The following FRS2 variants were observed in gnomAD, a reference collection of about 807,000 sequenced individuals.
FRS2 encodes the protein fibroblast growth factor receptor substrate 2.
FRS2 carries 8 observed loss-of-function variants against 43.9 expected under a neutral mutation model. That is an observed-to-expected ratio of 0.18 (90% confidence interval 0.11 to 0.33). FRS2 has a LOEUF of 0.33. Among genes scored for constraint, FRS2 ranks in the 10% least tolerant of loss-of-function variants. The probability of loss-of-function intolerance (pLI) is 1.00; values close to 1 mark genes in which losing one functional copy is unlikely to be tolerated. For missense variants in FRS2, 534 were observed against 627.6 expected (o/e 0.85, Z 1.59); for synonymous variants, 219 against 220.3 (o/e 0.99, Z 0.05).
At chr12:69,527,388 C>T (rs945762839) in intron 1 of FRS2, among the ~76,000 whole-genome samples, 5 of 114,866 alleles carry the variant, frequency 4.4e-5, no homozygotes, top group Non-Finnish European at 6.6e-5. Flanking sequence ...CTAGGTACAT[C>T]GTCCAAGCTG....
intron 3 of FRS2, among the ~76,000 whole-genome samples, chr12:69,539,248 G>C (rs1877641379): frequency 6.6e-6 from 1 of 152,002 alleles, no homozygotes; most frequent in Non-Finnish European, 1.5e-5. Flanking sequence ...CAAATTTTTT[G>C]TATTTTTAGT....
At chr12:69,553,363 G>A (rs934762021) in intron 3 of FRS2, among the ~76,000 whole-genome samples, 1 of 152,152 alleles carries the variant, frequency 6.6e-6, no homozygotes, top group African/African-American at 2.4e-5. Context: ...GAGCCACTGC[G>A]CCTGGCCCAC....
chr12:69,527,014 C>T (rs1876309956), intron 1 of FRS2, among the ~76,000 whole-genome samples: 1 of 152,174 alleles, frequency 6.6e-6, no homozygotes, highest in Admixed American at 6.5e-5. Context: ...TGAGCCACCG[C>T]GTCCAGCCAG....
At chr12:69,571,487 G>A (rs1272018278) in intron 7 of FRS2, 53 bp downstream of exon 7, 23 of 1,356,540 alleles carry the variant, frequency 1.7e-5, no homozygotes, top group Non-Finnish European at 2.3e-5. Context: ...TTAGTTGTAA[G>A]CTATAGATTG....
chr12:69,518,181 A>T (rs1350356583), intron 1 of FRS2, among the ~76,000 whole-genome samples: 1 of 152,234 alleles, frequency 6.6e-6, no homozygotes, highest in African/African-American at 2.4e-5. Flanking sequence ...AGACCTCTTC[A>T]TGAAACATGA....
Position 69,571,423 on chromosome 12 carries a change from G to A in FRS2, c.401G>A (p.Arg134Gln), listed in dbSNP as rs770664718. The change falls in exon 7 of 9, where the codon CGA (arginine) becomes CAA (glutamine). Residue 134 changes from arginine to glutamine, a missense_variant. Physicochemically the swap from Arg to Gln is conservative, Grantham distance 43. Around this residue, in one of 3 missense-constraint regions of FRS2, gnomAD observed 446 missense variants for 494.2 expected, o/e 0.90. Transcript: ENST00000549921. ...QTELEVPRTP[R>Q]TPTTPGFAAQ... The stretch of plus-strand genomic sequence containing the variant: ...GAATTGGAAGTCCCTAGAACACCTC[G>A]AACACCTACAAGTAAGTACCCCTTT... The A allele has an allele frequency of 1.6e-5, 26 of 1,611,698 alleles. No homozygotes were observed. The East Asian group carries it at 4.0e-4, about 25-fold the overall frequency.
At chr12:69,529,436 G>A (rs916559079) in intron 1 of FRS2, among the ~76,000 whole-genome samples, 37 of 151,688 alleles carry the variant, frequency 2.4e-4, no homozygotes, top group African/African-American at 7.5e-4. Flanking sequence ...CCAGCCTGGC[G>A]AACATGGTGA....
At chr12:69,566,574 T>A (rs1438541204) in intron 4 of FRS2, among the ~76,000 whole-genome samples, 1 of 151,606 alleles carries the variant, frequency 6.6e-6, no homozygotes, top group Non-Finnish European at 1.5e-5. Flanking sequence ...GCCATAGCAC[T>A]CCAGCCTGAG....
chr12:69,541,209 A>G (rs1268720097), intron 3 of FRS2, among the ~76,000 whole-genome samples: 3 of 152,200 alleles, frequency 2.0e-5, no homozygotes, highest in Non-Finnish European at 2.9e-5. Flanking sequence ...GTTTTAAAAA[A>G]TTTAGTAAAG....
intron 3 of FRS2, among the ~76,000 whole-genome samples, chr12:69,551,509 A>G (rs1878870612): frequency 6.6e-6 from 1 of 152,236 alleles, no homozygotes; most frequent in South Asian, 2.1e-4. Context: ...CCAGATAAAT[A>G]TGAAGGAAAG....
intron 1 of FRS2, among the ~76,000 whole-genome samples, chr12:69,515,833 C>T (rs1565739314): frequency 6.8e-6 from 1 of 146,576 alleles, no homozygotes; most frequent in East Asian, 1.9e-4. Context: ...TCTTAAGCCT[C>T]TCTACCAGTT....
chr12:69,570,249 A>G, intron 5 of FRS2, 82 bp from the exon 6 acceptor site: 3 of 1,042,346 alleles, frequency 2.9e-6, no homozygotes, highest in Non-Finnish European at 3.0e-6. Flanking sequence ...GAACTAACAA[A>G]TTACAAATAA....
Position 69,470,475 on chromosome 12 carries a change from TG to T in FRS2, c.-311del. The T allele has an allele frequency of 2.5e-6, 1 of 398,646 alleles. No homozygotes were observed. The highest frequency in any genetic ancestry group is 4.4e-6 in the Non-Finnish European group (1 of 226,124). 24.7% of individuals were successfully genotyped at this position (398,646 alleles called of 1,614,324 possible). On this transcript the variant is annotated 5_prime_UTR_variant, in exon 1 of 9. Transcript: ENST00000549921. ...AGGGGCTCCAGCGCGGGTCGGAGTC[TG>T]GGGGTTCGCGCCCGCCGACCCGCGC...
chr12:69,547,830 C>CTTTTTTT (rs71094722), intron 3 of FRS2, among the ~76,000 whole-genome samples: 14 of 102,720 alleles, frequency 1.4e-4, no homozygotes, highest in African/African-American at 4.3e-4. Flanking sequence ...TCCATTAATA[C>CTTTTTTT]TTTTTTTTTT....
chr12:69,574,721 C>T lies in FRS2; in HGVS notation c.1293C>T (p.His431=). ...NFDIRRPSLE[H]RQLNYIQVDL... is the part of the protein sequence containing the mutation. ...ATATCAGACGCCCAAGTTTAGAACA[C>T]AGGCAGCTTAATTACATACAGGTTG... is the stretch of plus-strand genomic sequence containing the variant. The change falls in exon 9 of 9, where the codon CAC becomes CAT. Residue 431 remains histidine (H), a synonymous_variant. Transcript: ENST00000549921. 1 of 1,614,120 alleles carries T rather than the reference C, an allele frequency of 6.2e-7. No individual in the cohort carries two copies. The highest frequency in any genetic ancestry group is 1.1e-5 in the South Asian group (1 of 91,082).
chr12:69,489,550 G>C (rs781400294), intron 1 of FRS2, among the ~76,000 whole-genome samples: 2 of 151,812 alleles, frequency 1.3e-5, no homozygotes, highest in Middle Eastern at 3.4e-3. Flanking sequence ...CATGCCTGTA[G>C]TCCCAGCTAC....
At chr12:69,527,092 T>TAGAA (rs1876319851) in intron 1 of FRS2, among the ~76,000 whole-genome samples, 1 of 152,146 alleles carries the variant, frequency 6.6e-6, no homozygotes, top group Non-Finnish European at 1.5e-5. Context: ...CCCTGACTTT[T>TAGAA]CTAAGTGTAT....
intron 3 of FRS2, among the ~76,000 whole-genome samples, chr12:69,535,333 T>C (rs1256887464): frequency 6.6e-6 from 1 of 152,190 alleles, no homozygotes; most frequent in Non-Finnish European, 1.5e-5. Flanking sequence ...ATGAAATGTG[T>C]TATTTTTGTT....
chr12:69,560,438 G>A (rs1246711842), intron 3 of FRS2, among the ~76,000 whole-genome samples: 3 of 152,158 alleles, frequency 2.0e-5, no homozygotes, highest in Non-Finnish European at 4.4e-5. Flanking sequence ...CAGCTAACAT[G>A]TACTAGTGCT....
Sources: gnomAD v4.1 joint callset for allele counts (sites outside exome capture counted in the v4.1 genomes callset) on GRCh38, gnomAD v4.1.1 for gene constraint, gnomAD v4.1.1 regional missense constraint, MANE v1.5 for transcripts, NCBI Gene and HGNC (gene_info 2026-07-23, HGNC 2026-07-21) for gene names.